NDRG1: variants seen among roughly 807,000 people sequenced by gnomAD.
The protein encoded by NDRG1 is N-myc downstream regulated 1.
In NDRG1, 32 loss-of-function variants were observed where a neutral mutation model predicts 56.9. The observed-to-expected ratio is 0.56, with a 90% CI of 0.42 to 0.76. The LOEUF (loss-of-function observed/expected upper bound fraction) is 0.76. Among genes scored for constraint, NDRG1 ranks in the 30% least tolerant of loss-of-function variants. The probability of loss-of-function intolerance (pLI) is 0.00; values close to 1 mark genes in which losing one functional copy is unlikely to be tolerated. For missense variants in NDRG1, 507 were observed against 545.7 expected, an observed-to-expected ratio of 0.93 and a Z score of 0.71; for synonymous variants, 211 against 204.1, an observed-to-expected ratio of 1.03 and a Z score of -0.29.
intron 1 of NDRG1, among the ~76,000 whole-genome samples, chr8:133,289,104 C>T (rs1033492699): frequency 3.3e-5 from 5 of 152,212 alleles, no homozygotes; most frequent in African/African-American, 9.6e-5. Flanking sequence ...TTTAGAGAGA[C>T]AGGGTCTTGC....
chr8:133,244,047 T>C (rs1855529773), intron 14 of NDRG1, among the ~76,000 whole-genome samples: 2 of 152,182 alleles, frequency 1.3e-5, no homozygotes, highest in Non-Finnish European at 2.9e-5. Context: ...TGGAGCTCCT[T>C]GCGGCCCTTC....
chr8:133,264,744 G>A, intron 3 of NDRG1, 92 bp from the exon 4 acceptor site: 2 of 1,095,458 alleles, frequency 1.8e-6, no homozygotes, highest in Non-Finnish European at 2.8e-6. Context: ...ACTGTGTTTT[G>A]AGGAAGCTCT....
In NDRG1 at chr8:133,264,090, C is replaced by T. The variant is rs981103053; in HGVS notation, c.205+457G>A. Among the ~76,000 whole-genome samples the T allele has an allele frequency of 3.4e-4, 51 of 151,916 alleles. 1 individual carries two copies. Among genetic ancestry groups the T allele is most frequent in the African/African-American group, 1.2e-3 (50 of 41,434 alleles). On this transcript the variant is annotated intron_variant, in intron 4 of 15. Transcript: ENST00000323851. The stretch of plus-strand genomic sequence containing the variant: ...AAGAAGCCAGTTACCAAAAAAAAAT[C>T]ACATATTATTTGATTCAATGTATAC...
chr8:133,284,529 A>G (rs888555567), intron 1 of NDRG1, among the ~76,000 whole-genome samples, 200 bp from the exon 2 acceptor site: 1 of 152,120 alleles, frequency 6.6e-6, no homozygotes, highest in Non-Finnish European at 1.5e-5. Flanking sequence ...CATTGGGGCC[A>G]GCGCAGTGGA....
chr8:133,246,552 T>TG, intron 13 of NDRG1, 64 bp downstream of exon 13: 1 of 1,534,336 alleles, frequency 6.5e-7, no homozygotes, highest in Non-Finnish European at 9.0e-7. Flanking sequence ...AACTCAATGT[T>TG]GCAGAAAACG....
chr8:133,273,045 C>T (rs1857273903), intron 3 of NDRG1, among the ~76,000 whole-genome samples: 2 of 152,228 alleles, frequency 1.3e-5, no homozygotes, highest in Admixed American at 1.3e-4. Flanking sequence ...GGCCTTGCAG[C>T]AGAACGGGAG....
intron 1 of NDRG1, 124 bp from the exon 2 acceptor site, chr8:133,284,453 G>T: frequency 1.3e-6 from 1 of 790,480 alleles, no homozygotes; most frequent in Non-Finnish European, 2.1e-6. Context: ...CACCTCCCTC[G>T]TGATGCACTG....
chr8:133,255,399 G>C, intron 8 of NDRG1: 1 of 456,274 alleles, frequency 2.2e-6, no homozygotes. Flanking sequence ...GTAATCGAAA[G>C]GCTGGAGTTG....
rs917103338 is a variant in NDRG1 at position 133,246,501 on chromosome 8, T to C, written c.855+115A>G. The C allele has an allele frequency of 2.8e-6, 3 of 1,080,072 alleles. No individual in the cohort carries two copies. The African/African-American group carries it at 4.7e-5, about 17-fold the overall frequency. The allele number at this position is 1,080,072 out of a possible 1,614,324, so 66.9% of individuals were successfully genotyped here. ...ATAAACAGATAGATTAAATCATTAA[T>C]TCTATAGTTTCTGATCGTGTGCCTT... On this transcript the variant is annotated intron_variant, in intron 13 of 15. Transcript: ENST00000323851.
intron 4 of NDRG1, among the ~76,000 whole-genome samples, chr8:133,262,933 G>T (rs568419451): frequency 6.6e-6 from 1 of 152,326 alleles, no homozygotes; most frequent in Non-Finnish European, 1.5e-5. Context: ...GCTAGAAGGA[G>T]CCTGGGTCCT....
At chr8:133,284,136 G>GT in intron 2 of NDRG1, 113 bp downstream of exon 2, 1 of 936,746 alleles carries the variant, frequency 1.1e-6, no homozygotes, top group Non-Finnish European at 1.7e-6. Context: ...GTATACATGT[G>GT]TATTTGTGCA....
chr8:133,284,571 C>T (rs1388764265), intron 1 of NDRG1, among the ~76,000 whole-genome samples: 1 of 152,326 alleles, frequency 6.6e-6, no homozygotes, highest in Admixed American at 6.5e-5. Flanking sequence ...GGCTCACAGA[C>T]ACCACCCTCC....
intron 1 of NDRG1, among the ~76,000 whole-genome samples, chr8:133,286,197 C>G (rs1324799525): frequency 6.6e-6 from 1 of 152,226 alleles, no homozygotes; most frequent in African/African-American, 2.4e-5. Flanking sequence ...CTGCAACTCC[C>G]TCTCTGAATA....
At chr8:133,248,891 C>T (rs1010647302) in intron 10 of NDRG1, 120 bp from the exon 11 acceptor site, 3 of 1,088,510 alleles carry the variant, frequency 2.8e-6, no homozygotes, top group Non-Finnish European at 2.8e-6. Context: ...ACCCACATCC[C>T]CAACTTGAGA....
At chr8:133,246,522 G>A in intron 13 of NDRG1, 94 bp downstream of exon 13, 1 of 1,235,532 alleles carries the variant, frequency 8.1e-7, no homozygotes, top group Non-Finnish European at 1.2e-6. Flanking sequence ...CTGATCGTGT[G>A]CCTTGCCTTT....
At chr8:133,250,578 G>A (rs371559562) in intron 9 of NDRG1, 35 bp from the exon 10 acceptor site, 63 of 1,559,168 alleles carry the variant, frequency 4.0e-5, no homozygotes, top group Non-Finnish European at 3.7e-5. Flanking sequence ...GGTCCTCATC[G>A]CACTGTGGCC....
chr8:133,282,149 A>G (rs1278412152), intron 2 of NDRG1, among the ~76,000 whole-genome samples: 1 of 152,240 alleles, frequency 6.6e-6, no homozygotes, highest in Non-Finnish European at 1.5e-5. Flanking sequence ...CATACATAAA[A>G]TGTTCTAAGG....
intron 14 of NDRG1, among the ~76,000 whole-genome samples, chr8:133,243,395 C>T (rs1483324188): frequency 6.6e-6 from 1 of 152,212 alleles, no homozygotes; most frequent in African/African-American, 2.4e-5. Context: ...TCTCTCTCAA[C>T]TTTTGGCCTC....
chr8:133,258,932 T>C lies in NDRG1; in HGVS notation c.389+236A>G. The C allele has an allele frequency of 8.4e-6, 5 of 593,116 alleles. No homozygotes were observed. The South Asian group carries it at 9.8e-5, about 12-fold the overall frequency. 36.7% of individuals were successfully genotyped at this position (593,116 alleles called of 1,614,324 possible). On this transcript the variant is annotated intron_variant, in intron 6 of 15. Coordinates refer to ENST00000323851, the MANE Select transcript of NDRG1 (RefSeq NM_006096.4). ...GGCAAGAGCAAATGGGTGGGGCAGC[T>C]GCCATCATGCAATATAACATTCACG...
Sources: allele counts gnomAD v4.1 joint callset (sites outside exome capture counted in the v4.1 genomes callset), GRCh38; gene constraint gnomAD v4.1.1; transcripts MANE v1.5; gene names NCBI Gene and HGNC (gene_info 2026-07-23, HGNC 2026-07-21).